ITGAE: variants seen among roughly 807,000 people sequenced by gnomAD.
ITGAE encodes integrin subunit alpha E.
A neutral mutation model predicts 136.5 loss-of-function variants in ITGAE; 99 were observed. That is an observed-to-expected ratio of 0.73 (90% confidence interval 0.62 to 0.86). The LOEUF (loss-of-function observed/expected upper bound fraction) is 0.86. Ranked by LOEUF, ITGAE falls within the 40% of genes least tolerant of loss-of-function variation. The pLI, the probability that ITGAE is intolerant of heterozygous loss-of-function variation, is 0.00. For missense variants in ITGAE, 1,447 were observed against 1,515.3 expected, an observed-to-expected ratio of 0.95 and a Z score of 0.75; for synonymous variants, 613 against 591.8, an observed-to-expected ratio of 1.04 and a Z score of -0.52.
In ITGAE at chr17:3,761,129, C is replaced by T. The variant is rs779163403; in HGVS notation, c.482G>A (p.Ser161Asn). 3.7e-6 allele frequency: 6 copies of T among 1,613,258 alleles called. No individual in the cohort carries two copies. The African/African-American group carries it at 5.3e-5, about 14-fold the overall frequency. ...DARVDTGDCYSNKEGGGEDDV... is the reference protein window; with the variant it reads ...DARVDTGDCYNNKEGGGEDDV... The stretch of plus-strand genomic sequence containing the variant: ...GTCTTCTCCACCGCCTTCTTTGTTG[C>T]TGTAGCAGTCTCCAGTGTCCACACG... Residue 161 changes from serine (S) to asparagine (N), a missense_variant, in exon 6 of 31, where the codon AGC (serine) becomes AAC (asparagine). Coordinates refer to ENST00000263087, the MANE Select transcript of ITGAE (RefSeq NM_002208.5).
At chr17:3,781,353 CTTTCT>C (rs1039767127) in intron 1 of ITGAE, among the ~76,000 whole-genome samples, 1 of 149,596 alleles carries the variant, frequency 6.7e-6, no homozygotes, top group African/African-American at 2.5e-5. Flanking sequence ...TTTTTTCTTT[CTTTCT>C]TTTTTTTTTG....
At chr17:3,721,315 G>A (rs1197519589) in intron 28 of ITGAE, among the ~76,000 whole-genome samples, 13 of 130,848 alleles carry the variant, frequency 9.9e-5, no homozygotes, top group Non-Finnish European at 1.9e-4. Context: ...TCTGTTACTC[G>A]GGCCGGAATG....
Position 3,799,634 on chromosome 17 carries a change from G to A in ITGAE, c.34+1477C>T. Among the ~76,000 whole-genome samples, 1 of 152,030 alleles carries A rather than the reference G, an allele frequency of 6.6e-6. No individual in the cohort carries two copies. The highest frequency in any genetic ancestry group is 1.9e-4 in the East Asian group (1 of 5,174). ...AGTCACCTCCTCTGTACTGGGAGAG[G>A]GTAGACAAGAGTCTAGTCTAAGCAT... On this transcript the variant is annotated intron_variant, in intron 1 of 30. Coordinates refer to ENST00000263087, the MANE Select transcript of ITGAE (RefSeq NM_002208.5). This position sits in a 1 kb window ranked among gnomAD's most constrained non-coding sequence, Gnocchi z 4.1.
rs2053209057 is a variant in ITGAE, at chr17:3,799,922, C to T, written c.34+1189G>A. Among the ~76,000 whole-genome samples the T allele has an allele frequency of 6.6e-6, 1 of 152,132 alleles. No individual in the cohort carries two copies. On this transcript the variant is annotated intron_variant, in intron 1 of 30. Coordinates refer to ENST00000263087, the MANE Select transcript of ITGAE (RefSeq NM_002208.5). The surrounding 1 kb of genome is among the most constrained non-coding windows in gnomAD (Gnocchi z 4.1). ...GGTCGATCACCTGAGGGCAGGAGAC[C>T]AGCCTGACCAATATGGTGAGACCCT...
intron 22 of ITGAE, among the ~76,000 whole-genome samples, chr17:3,732,112 G>A (rs1446592712): frequency 6.6e-6 from 1 of 151,576 alleles, no homozygotes; most frequent in Non-Finnish European, 1.5e-5. Context: ...TGTCTGACAC[G>A]CCCTCCATAC....
chr17:3,727,800 TA>T, intron 26 of ITGAE, 118 bp downstream of exon 26: 1 of 704,866 alleles, frequency 1.4e-6, no homozygotes, highest in Non-Finnish European at 2.5e-6. Context: ...AATTTACTCC[TA>T]ATCTTTTCCC....
Position 3,729,498 on chromosome 17 carries a change from G to A in ITGAE, c.2892C>T (p.Gly964=). 1.2e-6 allele frequency: 2 copies of A among 1,611,154 alleles called. No homozygotes were observed. Among genetic ancestry groups the A allele is most frequent in the Non-Finnish European group, 1.7e-6 (2 of 1,177,256 alleles). Residue 964 remains glycine, a synonymous_variant, in exon 24 of 31, where the codon GGC becomes GGT. Coordinates refer to ENST00000263087, the MANE Select transcript of ITGAE (RefSeq NM_002208.5). ...NETHTLQFRH[G]FVAVLSKPSI... ...CTCACTTGGACAGAACTGCAACGAA[G>A]CCATGCCTGAATTGAAGGGTGTGGG...
chr17:3,716,851 A>G, intron 29 of ITGAE, 53 bp from the exon 30 acceptor site: 1 of 988,602 alleles, frequency 1.0e-6, no homozygotes, highest in Non-Finnish European at 1.6e-6. Context: ...AACAAGGAAA[A>G]AATCCTACAT....
At chr17:3,775,509 G>A (rs1367040707) in intron 2 of ITGAE, among the ~76,000 whole-genome samples, 1 of 151,790 alleles carries the variant, frequency 6.6e-6, no homozygotes, top group Non-Finnish European at 1.5e-5. Flanking sequence ...ACCCAGGCTG[G>A]AGTGCAATGG....
chr17:3,730,793 G>T (rs151225533), intron 23 of ITGAE, among the ~76,000 whole-genome samples: 2 of 152,140 alleles, frequency 1.3e-5, no homozygotes, highest in African/African-American at 4.8e-5. Context: ...CAACACAGAG[G>T]TCTTGCAGGT....
intron 1 of ITGAE, among the ~76,000 whole-genome samples, chr17:3,779,053 G>GT (rs1195168886): frequency 2.8e-5 from 4 of 141,664 alleles, no homozygotes; most frequent in Admixed American, 7.4e-5. Context: ...CTAACCTATA[G>GT]TAAAAAAAAA....
chr17:3,735,741 G>A (rs534238184), intron 20 of ITGAE, among the ~76,000 whole-genome samples: 70 of 152,308 alleles, frequency 4.6e-4, no homozygotes, highest in Non-Finnish European at 6.2e-4. Context: ...ATGAGATGAC[G>A]ATAATAGCTG....
intron 26 of ITGAE, chr17:3,724,326 G>C: frequency 6.3e-7 from 1 of 1,587,962 alleles, no homozygotes; most frequent in Non-Finnish European, 8.5e-7. Context: ...CACACCCTGC[G>C]GCCCGCTCCG....
At position 3,734,171 on chromosome 17, in the gene ITGAE, C is replaced by T. The variant is rs181670892; in HGVS notation, c.2655+646G>A. Among the ~76,000 whole-genome samples the T allele has an allele frequency of 1.3e-3, 191 of 152,192 alleles. 2 individuals carry two copies. In the East Asian group the frequency reaches 0.031, roughly 24 times the overall value. On this transcript the variant is annotated intron_variant, in intron 21 of 30. Transcript: ENST00000263087. ...CTGCAAGCTCCGCCTCCCGGGTTCA[C>T]GCCATTCTCCTGCCTCAGCCTCCCG...
rs763119524 is a variant in ITGAE, at chr17:3,755,201, C to G, written c.1300G>C (p.Asp434His). Residue 434 changes from aspartate (D) to histidine (H), a missense_variant, in exon 12 of 31, where the codon GAC (aspartate) becomes CAC (histidine). By Grantham distance (81) the Asp-to-His change is moderately conservative. Coordinates refer to ENST00000263087, the MANE Select transcript of ITGAE (RefSeq NM_002208.5). The part of the protein sequence containing the change: ...FDWSGGALLY[D>H]TRSRRGRFLN... ...AAGCGGCCCCGGCGGCTGCGTGTGT[C>G]GTAGAGCAACGCCCCTCCGGACCAG... is the stretch of plus-strand genomic sequence containing the variant. 2 of 1,578,406 alleles carry G rather than the reference C, an allele frequency of 1.3e-6. No homozygotes were observed. Among genetic ancestry groups the G allele is most frequent in the Non-Finnish European group, 1.7e-6 (2 of 1,168,326 alleles).
At chr17:3,745,263 C>A (rs1005679068) in intron 18 of ITGAE, among the ~76,000 whole-genome samples, 4 of 152,174 alleles carry the variant, frequency 2.6e-5, no homozygotes, top group Non-Finnish European at 5.9e-5. Context: ...AGAACACTGG[C>A]ATTCCTGAGT....
rs2051930391 is a variant in ITGAE, at chr17:3,753,774, A to G, written c.1527+9T>C. 6.2e-7 allele frequency: 1 copy of G among 1,614,022 alleles called. No individual in the cohort carries two copies. Among genetic ancestry groups the G allele is most frequent in the Non-Finnish European group, 8.5e-7 (1 of 1,179,982 alleles). ...GTCATAAGGGGTGGAGGCTTTCCCC[A>G]GCAGGTACCTGCTCTCCCTCCAGCA... On this transcript the variant is annotated intron_variant, in intron 13 of 30. Coordinates refer to ENST00000263087, the MANE Select transcript of ITGAE (RefSeq NM_002208.5).
chr17:3,732,779 G>A (rs1167675220), intron 21 of ITGAE, among the ~76,000 whole-genome samples: 1 of 152,130 alleles, frequency 6.6e-6, no homozygotes. Context: ...GGGGAAGGAG[G>A]CATTTGAGCT....
chr17:3,775,604 C>T (rs957257915), intron 2 of ITGAE, among the ~76,000 whole-genome samples: 1 of 151,788 alleles, frequency 6.6e-6, no homozygotes, highest in Non-Finnish European at 1.5e-5. Context: ...GGATTACAGG[C>T]GCCCGCCACC....
Sources: gnomAD v4.1 joint callset for allele counts (sites outside exome capture counted in the v4.1 genomes callset) on GRCh38, gnomAD v4.1.1 for gene constraint, Gnocchi (gnomAD v3.1) non-coding constraint, MANE v1.5 for transcripts, NCBI Gene and HGNC (gene_info 2026-07-23, HGNC 2026-07-21) for gene names.